The following PDE5A variants were observed in gnomAD, a reference collection of about 807,000 sequenced individuals.
PDE5A encodes phosphodiesterase 5A, also known as cGMP-specific 3',5'-cyclic phosphodiesterase.
Under a neutral mutation model 110.2 loss-of-function variants are expected in PDE5A, and 67 were observed. That is an observed-to-expected ratio of 0.61 (90% CI 0.50 to 0.75). PDE5A has a LOEUF of 0.75. Among genes scored for constraint, PDE5A ranks in the 30% least tolerant of loss-of-function variants. PDE5A has a pLI of 0.00. For synonymous variants in PDE5A, 328 were observed against 351.2 expected (o/e 0.93, Z 0.74); for missense variants, 862 against 1,045.1 (o/e 0.82, Z 2.42).
chr4:119,608,899 C>T (rs1023495387), intron 1 of PDE5A, among the ~76,000 whole-genome samples: 3 of 152,126 alleles, frequency 2.0e-5, no homozygotes, highest in South Asian at 2.1e-4. Flanking sequence ...CGGTGGCTCA[C>T]GCCTGTAATC....
Position 119,627,439 on chromosome 4 carries a change from A to G in PDE5A, c.152+1081T>C, listed in dbSNP as rs1341412509. On this transcript the variant is annotated intron_variant, in intron 1 of 20. Transcript: ENST00000354960. The surrounding 1 kb of genome is among the most constrained non-coding windows in gnomAD (Gnocchi z 4.6). ...TCGAACCCGGGCGGGCTCCTCGACC[A>G]TCACTGCCGGGCGTGTGTCACCCTC... 1 of 287,110 alleles carries G rather than the reference A, an allele frequency of 3.5e-6. No homozygotes were observed. Among genetic ancestry groups the G allele is most frequent in the Non-Finnish European group, 5.2e-6 (1 of 191,474 alleles). The allele number at this position is 287,110 out of a possible 1,614,324, so 17.8% of individuals were successfully genotyped here.
At chr4:119,602,359 T>A (rs908329078) in intron 2 of PDE5A, among the ~76,000 whole-genome samples, 4 of 152,060 alleles carry the variant, frequency 2.6e-5, no homozygotes, top group African/African-American at 4.8e-5. Flanking sequence ...GGGTAAAGGG[T>A]GTATGGCAGT....
intron 11 of PDE5A, among the ~76,000 whole-genome samples, chr4:119,529,756 A>G (rs1726465405): frequency 6.6e-6 from 1 of 152,154 alleles, no homozygotes; most frequent in South Asian, 2.1e-4. Context: ...AGTAGTTGCT[A>G]CTACCTGCAG....
In PDE5A at chr4:119,525,690, A is replaced by G; in HGVS notation, c.1638T>C (p.Ala546=). The G allele has an allele frequency of 6.2e-7, 1 of 1,605,202 alleles. No individual in the cohort carries two copies. The highest frequency in any genetic ancestry group is 2.2e-5 in the East Asian group (1 of 44,656). ...ETRELQSLAA[A]VVPSAQTLKI... ...TAAGGGTCTGGGCAGATGGCACCAC[A>G]GCAGCCTTGGGTAAGGAAAGAAGAA... The change falls in exon 12 of 21, where the codon GCT becomes GCC. Residue 546 remains alanine, a synonymous_variant. Transcript: ENST00000354960. This position sits in a 1 kb window ranked among gnomAD's most constrained non-coding sequence, Gnocchi z 4.3.
intron 1 of PDE5A, among the ~76,000 whole-genome samples, chr4:119,609,724 T>A (rs540322243): frequency 6.6e-6 from 1 of 152,142 alleles, no homozygotes; most frequent in Non-Finnish European, 1.5e-5. Flanking sequence ...ATGGTGACTA[T>A]AGTTAATAAT....
chr4:119,528,080 A>T (rs1726392553), intron 11 of PDE5A, among the ~76,000 whole-genome samples: 1 of 152,062 alleles, frequency 6.6e-6, no homozygotes, highest in Non-Finnish European at 1.5e-5. Flanking sequence ...AACAAAGCTC[A>T]TTGGGTTAAA....
chr4:119,511,522 C>A (rs978111227), intron 14 of PDE5A, among the ~76,000 whole-genome samples: 23 of 152,066 alleles, frequency 1.5e-4, no homozygotes, highest in African/African-American at 4.1e-4. Context: ...GAAACAAATT[C>A]ATGTTAGCTT....
intron 1 of PDE5A, among the ~76,000 whole-genome samples, chr4:119,608,338 C>G (rs1355321117): frequency 6.6e-6 from 1 of 152,120 alleles, no homozygotes; most frequent in East Asian, 1.9e-4. Context: ...CAGTAGGTGA[C>G]TTTTTAAAAC....
Position 119,567,087 on chromosome 4 carries a change from C to T in PDE5A, c.889G>A (p.Glu297Lys), listed in dbSNP as rs199972075. ...AGTTTTGGTACCTTTTCATCTTTTTCAGTAAATGTCCCACCGTTTCCTGAT... is the reference window on the plus strand; with the variant it reads ...AGTTTTGGTACCTTTTCATCTTTTTTAGTAAATGTCCCACCGTTTCCTGAT... ...KKSGNGGTFT[E>K]KDEKDFAAYL... The change falls in exon 4 of 21, where the codon GAA becomes AAA. Residue 297 changes from glutamate to lysine, a missense_variant. Physicochemically the swap from Glu to Lys is moderately conservative, Grantham distance 56 (BLOSUM62 1). Coordinates refer to ENST00000354960, the MANE Select transcript of PDE5A (RefSeq NM_001083.4). 5.6e-6 allele frequency: 9 copies of T among 1,612,576 alleles called. No homozygotes were observed. The South Asian group carries it at 9.9e-5, about 18-fold the overall frequency.
intron 2 of PDE5A, 118 bp downstream of exon 2, chr4:119,606,591 T>A (rs1729537209): frequency 2.9e-6 from 2 of 679,896 alleles, no homozygotes; most frequent in Non-Finnish European, 5.1e-6. Flanking sequence ...AATTATTACA[T>A]CTCAGTTTCA....
chr4:119,508,190 A>C (rs1725619868), intron 15 of PDE5A, among the ~76,000 whole-genome samples: 1 of 151,974 alleles, frequency 6.6e-6, no homozygotes, highest in African/African-American at 2.4e-5. Flanking sequence ...TTCCTTAGGA[A>C]CATCTTAATA....
chr4:119,559,690 A>G (rs545343035), intron 7 of PDE5A, among the ~76,000 whole-genome samples: 1 of 152,294 alleles, frequency 6.6e-6, no homozygotes, highest in African/African-American at 2.4e-5. Context: ...AACTAAAACA[A>G]TGTCAAATCT....
At chr4:119,585,715 C>T (rs1269333070) in intron 3 of PDE5A, among the ~76,000 whole-genome samples, 8 of 152,190 alleles carry the variant, frequency 5.3e-5, no homozygotes. Flanking sequence ...AGCCTAATTC[C>T]CTTCCTCTTG....
chr4:119,599,466 T>A (rs182891360), intron 2 of PDE5A, among the ~76,000 whole-genome samples: 1 of 151,660 alleles, frequency 6.6e-6, no homozygotes, highest in East Asian at 1.9e-4. Context: ...TTTGCAGAGA[T>A]AGGAATCTCT....
At chr4:119,592,536 C>A (rs558351500) in intron 3 of PDE5A, among the ~76,000 whole-genome samples, 2 of 148,504 alleles carry the variant, frequency 1.3e-5, no homozygotes, top group African/African-American at 5.0e-5. Context: ...ATTGAACATC[C>A]CTTATCCGAA....
Position 119,628,660 on chromosome 4 carries a change from G to C in PDE5A, c.12C>G (p.Ala4=), listed in dbSNP as rs569455363. ...GTCGCTGCTGCCCGAAGCTGGGGCCGGCCCGCTCCATGGTTGGCACCGCGC... is the reference window on the plus strand; with the variant it reads ...GTCGCTGCTGCCCGAAGCTGGGGCCCGCCCGCTCCATGGTTGGCACCGCGC... The part of the protein sequence containing the change: MER[A]GPSFGQQRQQ... Residue 4 remains alanine (A), a synonymous_variant, in exon 1 of 21, where the codon GCC becomes GCG. Transcript: ENST00000354960. 5.6e-6 allele frequency: 9 copies of C among 1,612,968 alleles called. No homozygotes were observed. The highest frequency in any genetic ancestry group is 7.6e-6 in the Non-Finnish European group (9 of 1,179,946).
chr4:119,620,809 G>A (rs570683701), intron 1 of PDE5A, among the ~76,000 whole-genome samples: 8 of 152,162 alleles, frequency 5.3e-5, no homozygotes, highest in East Asian at 1.9e-4. Flanking sequence ...AATAAAAGAC[G>A]TAAATTTAAT....
chr4:119,539,427 C>T (rs993159593), intron 10 of PDE5A, among the ~76,000 whole-genome samples: 1 of 151,694 alleles, frequency 6.6e-6, no homozygotes, highest in East Asian at 1.9e-4. Flanking sequence ...CATAATCTGA[C>T]ATTTTGATAT....
intron 3 of PDE5A, among the ~76,000 whole-genome samples, chr4:119,581,302 T>G (rs553962181): frequency 1.2e-4 from 19 of 152,332 alleles, no homozygotes; most frequent in African/African-American, 4.3e-4. Flanking sequence ...GAGAATGCCT[T>G]CTTTACTAGA....
Sources: allele counts gnomAD v4.1 joint callset (sites outside exome capture counted in the v4.1 genomes callset), GRCh38; gene constraint gnomAD v4.1.1; non-coding constraint Gnocchi (gnomAD v3.1); transcripts MANE v1.5; gene names NCBI Gene and HGNC (gene_info 2026-07-23, HGNC 2026-07-21).